LSS: variants seen among roughly 807,000 people sequenced by gnomAD.
LSS encodes 2,3-epoxysqualene-lanosterol cyclase.
Under a neutral mutation model 110.3 loss-of-function variants are expected in LSS, and 90 were observed. The observed-to-expected ratio is 0.82, with a 90% CI of 0.69 to 0.97. The LOEUF is 0.97. LSS is among the 50% of genes least tolerant of loss of function. The probability of loss-of-function intolerance (pLI) is 0.00; values close to 1 mark genes in which losing one functional copy is unlikely to be tolerated. For missense variants in LSS, 927 were observed against 990.0 expected, an observed-to-expected ratio of 0.94 and a Z score of 0.85; for synonymous variants, 433 against 400.0, an observed-to-expected ratio of 1.08 and a Z score of -0.98.
chr21:46,200,409 A>G (rs906318209), intron 17 of LSS, among the ~76,000 whole-genome samples: 12 of 152,224 alleles, frequency 7.9e-5, no homozygotes, highest in Non-Finnish European at 1.8e-4. Flanking sequence ...AAGCAACTTC[A>G]TAGCGGAGAA....
intron 11 of LSS, among the ~76,000 whole-genome samples, chr21:46,211,175 G>A (rs543547577): frequency 6.6e-6 from 1 of 152,072 alleles, no homozygotes; most frequent in Non-Finnish European, 1.5e-5. Flanking sequence ...TGCCCAGGCT[G>A]GAGTGCAGTG....
chr21:46,213,701 G>A (rs750866179), intron 10 of LSS, 37 bp downstream of exon 10: 16 of 1,574,580 alleles, frequency 1.0e-5, no homozygotes, highest in African/African-American at 4.1e-5. Context: ...TCCAGTCTTC[G>A]TGAGAGGCCC....
chr21:46,198,963 T>C (rs573884907), intron 17 of LSS, among the ~76,000 whole-genome samples: 1 of 151,938 alleles, frequency 6.6e-6, no homozygotes, highest in Admixed American at 6.6e-5. Context: ...GGAAAAAATC[T>C]AGGTACCCTT....
intron 3 of LSS, among the ~76,000 whole-genome samples, chr21:46,223,253 G>C (rs984032375): frequency 8.5e-5 from 13 of 152,242 alleles, no homozygotes; most frequent in South Asian, 2.1e-4. Flanking sequence ...CAAATGTCAG[G>C]GGGGAGGCAG....
At chr21:46,217,775 G>A (rs1036425645) in intron 6 of LSS, among the ~76,000 whole-genome samples, 2 of 152,168 alleles carry the variant, frequency 1.3e-5, no homozygotes, top group Non-Finnish European at 2.9e-5. Flanking sequence ...TCCTGCCCTG[G>A]CAGCTGTGCT....
At chr21:46,221,999 G>A in intron 4 of LSS, 24 bp from the exon 5 acceptor site, 1 of 1,613,418 alleles carries the variant, frequency 6.2e-7, no homozygotes, top group East Asian at 2.2e-5. Flanking sequence ...GGACAGGTGA[G>A]AAACCGGTAT....
At position 46,213,339 on chromosome 21, in the gene LSS, G is replaced by A. The variant is rs940960716; in HGVS notation, c.1110-287C>T. Reference sequence around the variant, plus strand: ...AGCCCTGCCGCCCTCGTGCAGTGCTGAGGCACCAGAGGAAGAGGCCTGTAC... The same window carrying A: ...AGCCCTGCCGCCCTCGTGCAGTGCTAAGGCACCAGAGGAAGAGGCCTGTAC... On this transcript the variant is annotated intron_variant, in intron 10 of 21. Coordinates refer to ENST00000397728, the MANE Select transcript of LSS (RefSeq NM_002340.6). Among the ~76,000 whole-genome samples the A allele has an allele frequency of 3.3e-5, 5 of 152,232 alleles. No individual in the cohort carries two copies. The East Asian group carries it at 5.8e-4, about 18-fold the overall frequency.
chr21:46,207,661 C>T, intron 14 of LSS, 84 bp from the exon 15 acceptor site: 1 of 1,467,152 alleles, frequency 6.8e-7, no homozygotes. Context: ...CGCATCCCTC[C>T]CCACCACAGA....
Position 46,209,673 on chromosome 21 carries a change from A to ATGCTGGCCGT in LSS, c.1195-49_1195-48insACGGCCAGCA. On this transcript the variant is annotated intron_variant, in intron 12 of 21. Transcript: ENST00000397728. This position sits in a 1 kb window ranked among gnomAD's most constrained non-coding sequence, Gnocchi z 4.4. The stretch of plus-strand genomic sequence containing the variant: ...GAGGCTCAGCTGCCCTTGCACGGCC[A>ATGCTGGCCGT]GCATGGCTGCGCTGGTTTCCCGATG... 6.5e-7 allele frequency: 1 copy of ATGCTGGCCGT among 1,535,700 alleles called. No homozygotes were observed. Among genetic ancestry groups the ATGCTGGCCGT allele is most frequent in the Non-Finnish European group, 8.9e-7 (1 of 1,121,750 alleles).
chr21:46,216,385 C>T lies in LSS; in HGVS notation c.783+4G>A. 1.9e-6 allele frequency: 3 copies of T among 1,613,726 alleles called. No homozygotes were observed. Among genetic ancestry groups the T allele is most frequent in the Non-Finnish European group, 1.7e-6 (2 of 1,180,016 alleles). ...CTTCACTTTGTTCCCTGATGAGGTC[C>T]TACCTGGCGGAGGCTCTGGACCAGC... On this transcript the variant is annotated splice_donor_region_variant and intron_variant, in intron 7 of 21. Coordinates refer to ENST00000397728, the MANE Select transcript of LSS (RefSeq NM_002340.6). This position sits in a 1 kb window ranked among gnomAD's most constrained non-coding sequence, Gnocchi z 4.2.
chr21:46,219,402 G>A, intron 6 of LSS, 74 bp downstream of exon 6: 1 of 1,064,294 alleles, frequency 9.4e-7, no homozygotes, highest in Admixed American at 2.6e-5. Flanking sequence ...GCCTGCACCT[G>A]ACCCACGGTC....
In LSS at chr21:46,216,262, C is replaced by T. The variant is rs754559125; in HGVS notation, c.783+127G>A. 29 of 1,182,184 alleles carry T rather than the reference C, an allele frequency of 2.5e-5. No individual in the cohort carries two copies. In the East Asian group the frequency reaches 3.1e-4, roughly 12 times the overall value. 73.2% of individuals were successfully genotyped at this position (1,182,184 alleles called of 1,614,324 possible). On this transcript the variant is annotated intron_variant, in intron 7 of 21. Transcript: ENST00000397728. This position sits in a 1 kb window ranked among gnomAD's most constrained non-coding sequence, Gnocchi z 4.2. ...AGGATGGAGGAAGGTGGAGGCTCTG[C>T]TCCACAGGGCTCTCCGCTCCACAGG...
intron 4 of LSS, 160 bp from the exon 5 acceptor site, chr21:46,222,135 A>G: frequency 1.4e-6 from 1 of 708,160 alleles, no homozygotes; most frequent in Non-Finnish European, 2.3e-6. Context: ...GCCACTCTGC[A>G]GTACGAATTC....
At chr21:46,219,152 GCTGGGGGAGGGGCACCCCCCCA>G (rs926763234) in intron 6 of LSS, among the ~76,000 whole-genome samples, 4 of 152,168 alleles carry the variant, frequency 2.6e-5, no homozygotes, top group Non-Finnish European at 5.9e-5. Context: ...CCCTGTGCAG[GCTGGGGGAGGGGCACCCCCCCA>G]CTTCTACAGA....
At chr21:46,218,309 C>T (rs1163581435) in intron 6 of LSS, among the ~76,000 whole-genome samples, 3 of 141,612 alleles carry the variant, frequency 2.1e-5, no homozygotes, top group African/African-American at 5.3e-5. Context: ...CCACTGCTTT[C>T]AATAGATAGC....
At chr21:46,192,598 C>CTG (rs146297977) in intron 20 of LSS, 286,043 of 438,956 alleles carry the variant, frequency 0.65, 97,274 homozygotes, top group African/African-American at 0.86. Flanking sequence ...GTACGTATGT[C>CTG]TGTGTGGCAC....
chr21:46,227,531 GCTGGGGCAGCATACT>G lies in LSS; in HGVS notation c.319+6_319+20del. On this transcript the variant is annotated splice_donor_region_variant and intron_variant, in intron 3 of 21. Transcript: ENST00000397728. ...TGATCCAGGGTGGCCATACCATCAGGCTGGGGCAGCATACTCCTACCTGGCAGGAGGAAAAGTGGG... is the reference window on the plus strand; with the variant it reads ...TGATCCAGGGTGGCCATACCATCAGGCCTACCTGGCAGGAGGAAAAGTGGG... The G allele has an allele frequency of 6.2e-7, 1 of 1,613,584 alleles. No individual in the cohort carries two copies. Among genetic ancestry groups the G allele is most frequent in the Non-Finnish European group, 8.5e-7 (1 of 1,179,772 alleles).
chr21:46,206,030 G>T, intron 16 of LSS, 89 bp from the exon 17 acceptor site: 1 of 1,018,508 alleles, frequency 9.8e-7, no homozygotes. Flanking sequence ...AAGCAAGAGT[G>T]TTGCAGTGAG....
chr21:46,222,593 T>C (rs1461278224), intron 4 of LSS, 37 bp downstream of exon 4: 2 of 1,564,976 alleles, frequency 1.3e-6, no homozygotes, highest in Admixed American at 1.7e-5. Flanking sequence ...AACACACACA[T>C]GCACATGTGC....
Sources: gnomAD v4.1 joint callset for allele counts (sites outside exome capture counted in the v4.1 genomes callset) on GRCh38, gnomAD v4.1.1 for gene constraint, Gnocchi (gnomAD v3.1) non-coding constraint, MANE v1.5 for transcripts, NCBI Gene and HGNC (gene_info 2026-07-23, HGNC 2026-07-21) for gene names.